The following TLL1 variants were observed in gnomAD, a reference collection of about 807,000 sequenced individuals.
TLL1 encodes the protein tolloid like 1.
TLL1 carries 49 observed loss-of-function variants against 128.2 expected under a neutral mutation model. The ratio of observed to expected loss-of-function variants is 0.38; its 90% CI spans 0.30 to 0.48. The LOEUF (loss-of-function observed/expected upper bound fraction) is 0.48. Among genes scored for constraint, TLL1 ranks in the 20% least tolerant of loss-of-function variants. TLL1 has a pLI of 0.96. For synonymous variants in TLL1, 454 were observed against 418.8 expected (o/e 1.08, Z -1.03); for missense variants, 1,123 against 1,242.0 (o/e 0.90, Z 1.44).
intron 1 of TLL1, among the ~76,000 whole-genome samples, chr4:165,969,750 T>A (rs1266756430): frequency 1.3e-5 from 2 of 152,136 alleles, no homozygotes; most frequent in Non-Finnish European, 2.9e-5. Context: ...AGCACAAGAT[T>A]GGAGTTATTA....
chr4:166,031,363 C>CTTTTTTTT (rs35799879), intron 9 of TLL1, among the ~76,000 whole-genome samples: 16 of 102,272 alleles, frequency 1.6e-4, no homozygotes, highest in African/African-American at 2.3e-4. Context: ...ATTGCAAGGT[C>CTTTTTTTT]TTTTTTTTTT....
Position 165,901,401 on chromosome 4 carries a change from G to A in TLL1, c.169+27328G>A, listed in dbSNP as rs191529570. On this transcript the variant is annotated intron_variant, in intron 1 of 20. Transcript: ENST00000061240. ...GATTTATCTACCTTTGGTCTTTGAT[G>A]TTGGTGACCTTCGGATGGGGTTTTT... Among the ~76,000 whole-genome samples the A allele has an allele frequency of 1.6e-3, 240 of 152,286 alleles. 2 individuals carry two copies. In the Middle Eastern group the frequency reaches 0.017, roughly 11 times the overall value.
intron 9 of TLL1, among the ~76,000 whole-genome samples, chr4:166,035,924 A>G (rs886092128): frequency 6.6e-6 from 1 of 152,064 alleles, no homozygotes; most frequent in African/African-American, 2.4e-5. Flanking sequence ...TCTCAGCCTT[A>G]TTTCTGAGGC....
At chr4:166,086,661 A>G (rs889049922) in intron 18 of TLL1, among the ~76,000 whole-genome samples, 4 of 152,122 alleles carry the variant, frequency 2.6e-5, no homozygotes. Flanking sequence ...AAGCCTCAGA[A>G]GCCCTTGAAT....
chr4:166,050,540 A>G (rs1048314420), intron 12 of TLL1, among the ~76,000 whole-genome samples: 3 of 152,204 alleles, frequency 2.0e-5, no homozygotes, highest in Non-Finnish European at 4.4e-5. Flanking sequence ...AAAAATTATT[A>G]TCTAGAAATT....
intron 1 of TLL1, among the ~76,000 whole-genome samples, chr4:165,933,486 A>G (rs534334422): frequency 6.6e-6 from 1 of 152,150 alleles, no homozygotes; most frequent in Non-Finnish European, 1.5e-5. Context: ...TCTGCAGTCC[A>G]TTCCATCCTG....
intron 9 of TLL1, 105 bp from the exon 10 acceptor site, chr4:166,039,234 C>T: frequency 1.3e-6 from 1 of 752,366 alleles, no homozygotes; most frequent in Admixed American, 2.1e-5. Flanking sequence ...ATTAGCTGCA[C>T]ATGCATTTTT....
rs1324818675 is a variant in TLL1 at position 166,102,544 on chromosome 4, G to C, written c.*1668G>C. ...TTTTGATCAATCCCATTAAAAAAAG[G>C]CTCTTTCCTTTAGAGAAACTCTATT... On this transcript the variant is annotated 3_prime_UTR_variant, in exon 21 of 21. Transcript: ENST00000061240. 2 of 152,048 alleles carry C rather than the reference G, an allele frequency of 1.3e-5. No individual in the cohort carries two copies. The highest frequency in any genetic ancestry group is 4.8e-5 in the African/African-American group (2 of 41,330). 9.4% of individuals were successfully genotyped at this position (152,048 alleles called of 1,614,324 possible). A position where few individuals can be genotyped will look rare whatever the true frequency, so the allele number is the denominator to read the frequency against.
intron 19 of TLL1, among the ~76,000 whole-genome samples, chr4:166,094,357 G>T (rs186177978): frequency 6.6e-6 from 1 of 152,290 alleles, no homozygotes; most frequent in Admixed American, 6.5e-5. Flanking sequence ...GGATTAGGAA[G>T]AAAATGAATA....
chr4:165,942,048 G>A (rs1411519706), intron 1 of TLL1, among the ~76,000 whole-genome samples: 1 of 152,020 alleles, frequency 6.6e-6, no homozygotes, highest in Non-Finnish European at 1.5e-5. Flanking sequence ...TTTACAGATG[G>A]AAATGGGCAC....
chr4:166,098,058 G>A (rs1326991433), intron 19 of TLL1, among the ~76,000 whole-genome samples: 1 of 152,066 alleles, frequency 6.6e-6, no homozygotes, highest in African/African-American at 2.4e-5. Context: ...CTCTGGCCAG[G>A]TGTGGTGGCT....
chr4:165,952,547 G>A (rs1158551566), intron 1 of TLL1, among the ~76,000 whole-genome samples: 2 of 152,000 alleles, frequency 1.3e-5, no homozygotes, highest in Non-Finnish European at 2.9e-5. Flanking sequence ...AATTTCCCTT[G>A]CATCTCACAG....
intron 8 of TLL1, among the ~76,000 whole-genome samples, chr4:166,015,455 T>C (rs1480363720): frequency 2.0e-5 from 3 of 152,048 alleles, no homozygotes; most frequent in South Asian, 2.1e-4. Flanking sequence ...ATCTTAATCA[T>C]TGGAGTTTTA....
intron 1 of TLL1, among the ~76,000 whole-genome samples, chr4:165,912,223 C>T (rs1018734222): frequency 1.3e-5 from 2 of 152,122 alleles, no homozygotes; most frequent in African/African-American, 2.4e-5. Context: ...TTGCCTTGTT[C>T]AACAATCTAG....
At chr4:166,048,107 G>A (rs1209675022) in intron 12 of TLL1, among the ~76,000 whole-genome samples, 1 of 151,988 alleles carries the variant, frequency 6.6e-6, no homozygotes, top group African/African-American at 2.4e-5. Flanking sequence ...GTGGTGGTGG[G>A]CGCCCGTAAT....
chr4:165,985,183 G>A (rs1299714927), intron 1 of TLL1, among the ~76,000 whole-genome samples: 1 of 152,094 alleles, frequency 6.6e-6, no homozygotes, highest in African/African-American at 2.4e-5. Flanking sequence ...GAAATCTTGT[G>A]TGTTGCCTTA....
intron 1 of TLL1, among the ~76,000 whole-genome samples, chr4:165,881,314 T>A (rs955118768): frequency 4.6e-5 from 7 of 152,202 alleles, no homozygotes; most frequent in African/African-American, 1.7e-4. Context: ...CATTAAAAAA[T>A]CTAGAGCCTC....
At chr4:165,874,887 G>C (rs527405277) in intron 1 of TLL1, 1 of 152,392 alleles carries the variant, frequency 6.6e-6, no homozygotes, top group South Asian at 2.1e-4. Context: ...CTTCCCTCTC[G>C]CCGCCTAAGG....
intron 1 of TLL1, among the ~76,000 whole-genome samples, chr4:165,922,449 T>C (rs1428215372): frequency 6.6e-6 from 1 of 152,154 alleles, no homozygotes; most frequent in African/African-American, 2.4e-5. Flanking sequence ...CTTCCTTCGT[T>C]TCTTTAATAT....
Sources: allele counts gnomAD v4.1 joint callset (sites outside exome capture counted in the v4.1 genomes callset), GRCh38; gene constraint gnomAD v4.1.1; transcripts MANE v1.5; gene names NCBI Gene and HGNC (gene_info 2026-07-23, HGNC 2026-07-21).